Variants in TRDN observed in about 807,000 individuals in gnomAD.
The protein encoded by TRDN is triadin.
A neutral mutation model predicts 149.7 loss-of-function variants in TRDN; 161 were observed. The ratio of observed to expected loss-of-function variants is 1.08; its 90% CI spans 0.95 to 1.23. The LOEUF (loss-of-function observed/expected upper bound fraction) is 1.23. Ranked by LOEUF, TRDN falls within the 50% of genes most tolerant of loss-of-function variation. The pLI is 0.00. For missense variants in TRDN, 896 were observed against 823.5 expected (o/e 1.09, Z -1.08); for synonymous variants, 294 against 250.5 (o/e 1.17, Z -1.64).
At position 123,537,679 on chromosome 6, in the gene TRDN, T is replaced by G. The variant is rs185778888; in HGVS notation, c.425-7114A>C. Among the ~76,000 whole-genome samples, 66 of 152,274 alleles carry G rather than the reference T, an allele frequency of 4.3e-4. 1 individual carries two copies. The East Asian group carries it at 9.9e-3, about 23-fold the overall frequency. On this transcript the variant is annotated intron_variant, in intron 4 of 40. Coordinates refer to ENST00000334268, the MANE Select transcript of TRDN (RefSeq NM_006073.4). ...TACATTTTCCCCAGACTCTCTGAGCTCAACTTCCATATGTAACTGGGAAGA... is the reference window on the plus strand; with the variant it reads ...TACATTTTCCCCAGACTCTCTGAGCGCAACTTCCATATGTAACTGGGAAGA...
intron 2 of TRDN, among the ~76,000 whole-genome samples, chr6:123,567,121 G>A (rs549401820): frequency 3.1e-4 from 47 of 151,206 alleles, no homozygotes; most frequent in African/African-American, 1.1e-3. Flanking sequence ...CAAGCTCAAG[G>A]GAAATGAAAT....
intron 23 of TRDN, among the ~76,000 whole-genome samples, chr6:123,320,425 T>G (rs762529945): frequency 4.6e-5 from 7 of 151,986 alleles, no homozygotes; most frequent in African/African-American, 9.7e-5. Flanking sequence ...AGACTGTTCT[T>G]TGCACAGAAG....
chr6:123,579,886 CCTT>C lies in TRDN; in HGVS notation c.23-8757_23-8755del, dbSNP rs1176933229. 4.7e-5 allele frequency among the ~76,000 whole-genome samples: 7 copies of C among 148,492 alleles called. No homozygotes were observed. In the East Asian group the frequency reaches 7.7e-4, roughly 16 times the overall value. ...GCCCCCTCCCTCACTCAGCACTTCT[CCTT>C]CTTGCTACCCTGAAAAGAAGGTGCC... is the stretch of plus-strand genomic sequence containing the variant. On this transcript the variant is annotated intron_variant, in intron 1 of 40. Coordinates refer to ENST00000334268, the MANE Select transcript of TRDN (RefSeq NM_006073.4).
chr6:123,568,504 G>T (rs1336896152), intron 2 of TRDN, among the ~76,000 whole-genome samples: 1 of 152,194 alleles, frequency 6.6e-6, no homozygotes, highest in Non-Finnish European at 1.5e-5. Flanking sequence ...ACAAGCTTCT[G>T]CCTGGGCACC....
chr6:123,522,718 G>T (rs1477241385), intron 5 of TRDN, among the ~76,000 whole-genome samples: 1 of 152,086 alleles, frequency 6.6e-6, no homozygotes, highest in Non-Finnish European at 1.5e-5. Context: ...ATGGAAAGTT[G>T]TCTGTAGGAA....
Position 123,382,110 on chromosome 6 carries a change from T to C in TRDN, c.1165+8A>G. On this transcript the variant is annotated splice_region_variant and intron_variant, in intron 15 of 40. Coordinates refer to ENST00000334268, the MANE Select transcript of TRDN (RefSeq NM_006073.4). ...CATAAGGCAGAAAAAAAGAAATATG[T>C]CCAGTACCTTCTGCAGGTTTTTTTG... 6.7e-7 allele frequency: 1 copy of C among 1,492,988 alleles called. No individual in the cohort carries two copies. Among genetic ancestry groups the C allele is most frequent in the Admixed American group, 2.4e-5 (1 of 41,334 alleles). 92.5% of individuals were successfully genotyped at this position (1,492,988 alleles called of 1,614,324 possible).
At chr6:123,381,587 C>T (rs1189012688) in intron 15 of TRDN, among the ~76,000 whole-genome samples, 197 bp from the exon 16 acceptor site, 1 of 151,780 alleles carries the variant, frequency 6.6e-6, no homozygotes, top group East Asian at 1.9e-4. Context: ...ATTTGATTGG[C>T]AAATATTATT....
intron 19 of TRDN, among the ~76,000 whole-genome samples, chr6:123,375,095 AT>A (rs1203031167): frequency 6.6e-6 from 1 of 152,186 alleles, no homozygotes; most frequent in African/African-American, 2.4e-5. Flanking sequence ...CAAAGTTACC[AT>A]TGCTGCAAAT....
chr6:123,288,870 C>T (rs1210227121), intron 24 of TRDN, among the ~76,000 whole-genome samples: 43 of 151,788 alleles, frequency 2.8e-4, no homozygotes, highest in Admixed American at 2.8e-3. Flanking sequence ...AGCTAGTTTA[C>T]AGCAATTTCA....
At chr6:123,527,424 A>G (rs1319234945) in intron 5 of TRDN, among the ~76,000 whole-genome samples, 1 of 152,038 alleles carries the variant, frequency 6.6e-6, no homozygotes, top group Admixed American at 6.6e-5. Context: ...ATCATTCAAC[A>G]TGTGGACCAT....
chr6:123,265,401 T>G, intron 32 of TRDN, 63 bp from the exon 33 acceptor site: 1 of 1,094,518 alleles, frequency 9.1e-7, no homozygotes, highest in East Asian at 2.9e-5. Context: ...GGGTGACATA[T>G]CAGCCCTTTA....
At chr6:123,403,392 T>C (rs909194041) in intron 12 of TRDN, among the ~76,000 whole-genome samples, 2 of 152,040 alleles carry the variant, frequency 1.3e-5, no homozygotes, top group African/African-American at 4.8e-5. Context: ...GTGACAAATG[T>C]GGCAGAGGCC....
At chr6:123,512,205 T>C in intron 7 of TRDN, 98 bp downstream of exon 7, 1 of 671,624 alleles carries the variant, frequency 1.5e-6, no homozygotes. Context: ...TTAATATAAA[T>C]GATAAAAGTT....
In TRDN at chr6:123,548,565, C is replaced by A; in HGVS notation, c.280G>T (p.Asp94Tyr). Residue 94 changes from aspartate to tyrosine, a missense_variant, in exon 3 of 41, where the codon GAT (aspartate) becomes TAT (tyrosine). Asp to Tyr is a radical substitution (Grantham distance 160). Coordinates refer to ENST00000334268, the MANE Select transcript of TRDN (RefSeq NM_006073.4). ...CAGTCCGTGGTTTCCTCCATAGCATCACGTACCAGTTTTAAAGGATCTGAG... is the reference window on the plus strand; with the variant it reads ...CAGTCCGTGGTTTCCTCCATAGCATAACGTACCAGTTTTAAAGGATCTGAG... Reference protein sequence around the residue: ...IGSDPLKLVRDAMEETTDWIY... With the variant: ...IGSDPLKLVRYAMEETTDWIY... 1 of 1,562,106 alleles carries A rather than the reference C, an allele frequency of 6.4e-7. No individual in the cohort carries two copies. Among genetic ancestry groups the A allele is most frequent in the East Asian group, 2.3e-5 (1 of 43,084 alleles).
In TRDN at chr6:123,514,631, A is replaced by AACACACACACAC. The variant is rs60716520; in HGVS notation, c.550+1498_550+1509dup. On this transcript the variant is annotated intron_variant, in intron 6 of 40. Transcript: ENST00000334268. ...ATAGATGAAGGGTATACATACCCAA[A>AACACACACACAC]ACACACACACACACACACACACACA... is the stretch of plus-strand genomic sequence containing the variant. 6.3e-3 allele frequency among the ~76,000 whole-genome samples: 936 copies of AACACACACACAC among 147,574 alleles called. 11 individuals carry two copies. Among genetic ancestry groups the AACACACACACAC allele is most frequent in the African/African-American group, 0.022 (874 of 40,076 alleles).
In TRDN at chr6:123,585,144, TG is replaced by T. The variant is rs201090002; in HGVS notation, c.23-14013del. On this transcript the variant is annotated intron_variant, in intron 1 of 40. Transcript: ENST00000334268. ...GGTATCTTATACTTGTGGGTTAAGG[TG>T]GGGGAATACAAGAGGAGCACGCAAA... 7.4e-3 allele frequency among the ~76,000 whole-genome samples: 937 copies of T among 126,806 alleles called. 24 individuals carry two copies. The highest frequency in any genetic ancestry group is 0.023 in the African/African-American group (873 of 38,194). The allele number at this position is 126,806 out of a possible 152,430, so 83.2% of individuals were successfully genotyped here.
rs941710083 is a variant in TRDN at position 123,245,522 on chromosome 6, ATC to A, written c.1975+6888_1975+6889del. Among the ~76,000 whole-genome samples the A allele has an allele frequency of 2.8e-4, 43 of 152,282 alleles. 1 individual carries two copies. The highest frequency in any genetic ancestry group is 9.9e-4 in the African/African-American group (41 of 41,562). ...GAGGGCATTACATAATGGTAAAGGGATCAATGCAACAAGAAGTGCTATTTTAA... is the reference window on the plus strand; with the variant it reads ...GAGGGCATTACATAATGGTAAAGGGAAATGCAACAAGAAGTGCTATTTTAA... On this transcript the variant is annotated intron_variant, in intron 38 of 40. Coordinates refer to ENST00000334268, the MANE Select transcript of TRDN (RefSeq NM_006073.4).
intron 12 of TRDN, among the ~76,000 whole-genome samples, chr6:123,420,127 A>G (rs1773835545): frequency 6.6e-6 from 1 of 152,206 alleles, no homozygotes; most frequent in Non-Finnish European, 1.5e-5. Flanking sequence ...AATAAATGTA[A>G]GTTCCTTTTC....
intron 10 of TRDN, among the ~76,000 whole-genome samples, chr6:123,448,397 A>T (rs914867707): frequency 9.2e-5 from 14 of 152,052 alleles, no homozygotes; most frequent in African/African-American, 3.4e-4. Context: ...TTGGCGGGGG[A>T]CATGGTGGGA....
Sources: gnomAD v4.1 joint callset for allele counts (sites outside exome capture counted in the v4.1 genomes callset) on GRCh38, gnomAD v4.1.1 for gene constraint, MANE v1.5 for transcripts, NCBI Gene and HGNC (gene_info 2026-07-23, HGNC 2026-07-21) for gene names.